Variants in RAPGEF2 observed in about 807,000 individuals in gnomAD.
RAPGEF2 encodes Rap guanine nucleotide exchange factor 2, also known as PDZ domain containing guanine nucleotide exchange factor (GEF) 1.
Under a neutral mutation model 186.7 loss-of-function variants are expected in RAPGEF2, and 54 were observed. That is an observed-to-expected ratio of 0.29 (90% CI 0.23 to 0.36). The LOEUF (loss-of-function observed/expected upper bound fraction) is 0.36, where lower values mean the gene tolerates loss of function less well. Ranked by LOEUF, RAPGEF2 falls within the 10% of genes least tolerant of loss-of-function variation. The probability of loss-of-function intolerance (pLI) is 1.00; values close to 1 mark genes in which losing one functional copy is unlikely to be tolerated. For missense variants in RAPGEF2, 1,532 were observed against 2,045.0 expected, an observed-to-expected ratio of 0.75 and a Z score of 4.84; for synonymous variants, 712 against 705.9, an observed-to-expected ratio of 1.01 and a Z score of -0.14.
At position 159,352,682 on chromosome 4, in the gene RAPGEF2, C is replaced by T. The variant is rs758826480; in HGVS notation, c.3866-3C>T. 4 of 1,605,366 alleles carry T rather than the reference C, an allele frequency of 2.5e-6. No homozygotes were observed. The highest frequency in any genetic ancestry group is 3.4e-6 in the Non-Finnish European group (4 of 1,172,098). ...AATTAATACGGTTGTATTTCTCATG[C>T]AGGCTATACTTTGGCTCCCAGTGGT... is the stretch of plus-strand genomic sequence containing the variant. On this transcript the variant is annotated splice_polypyrimidine_tract_variant and splice_region_variant and intron_variant, in intron 26 of 29. Coordinates refer to ENST00000691494, the MANE Select transcript of RAPGEF2 (RefSeq NM_001394067.2).
At chr4:159,229,758 A>G (rs1000700932) in intron 4 of RAPGEF2, among the ~76,000 whole-genome samples, 1 of 152,200 alleles carries the variant, frequency 6.6e-6, no homozygotes, top group Non-Finnish European at 1.5e-5. Flanking sequence ...TCAGCAAAAA[A>G]TTTAATGAGA....
chr4:159,344,132 T>C (rs1729940669), intron 23 of RAPGEF2, 73 bp downstream of exon 23: 2 of 1,465,940 alleles, frequency 1.4e-6, no homozygotes, highest in Non-Finnish European at 1.9e-6. Context: ...TTACCTGCTG[T>C]ATTTTCTGAT....
At position 159,195,888 on chromosome 4, in the gene RAPGEF2, T is replaced by G. The variant is rs1019053168; in HGVS notation, c.197+2632T>G. Among the ~76,000 whole-genome samples the G allele has an allele frequency of 1.8e-3, 266 of 146,074 alleles. 1 individual carries two copies. The highest frequency in any genetic ancestry group is 2.9e-3 in the Non-Finnish European group (192 of 66,166). On this transcript the variant is annotated intron_variant, in intron 3 of 29. Coordinates refer to ENST00000691494, the MANE Select transcript of RAPGEF2 (RefSeq NM_001394067.2). ...TCAAACATACCTGTTTTTTTTTTTT[T>G]TTTTTTTTTTTTTTTTCCCCAAGTA...
chr4:159,150,255 G>T (rs1239685509), intron 1 of RAPGEF2, among the ~76,000 whole-genome samples: 4 of 152,014 alleles, frequency 2.6e-5, no homozygotes, highest in African/African-American at 9.7e-5. Context: ...TAGGAAATAC[G>T]GGGTTAAGTT....
intron 1 of RAPGEF2, among the ~76,000 whole-genome samples, chr4:159,125,627 G>A (rs941340106): frequency 3.3e-5 from 5 of 152,026 alleles, no homozygotes; most frequent in Middle Eastern, 3.4e-3. Flanking sequence ...GCATGGTGGC[G>A]AGCACCTGTA....
Position 159,343,186 on chromosome 4 carries a change from C to T in RAPGEF2, c.3126C>T (p.His1042=), listed in dbSNP as rs370215107. The change falls in exon 21 of 30, where the codon CAC becomes CAT. Residue 1042 remains histidine (H), a synonymous_variant. Transcript: ENST00000691494. ...TCAAAAAGGATCTCACCTTCCTTCA[C>T]GAAGGTAAACATAAGGCAGAGGGTT... ...PVIKKDLTFL[H]EGNDSKVDGL... is the part of the protein sequence containing the mutation. 149 of 1,613,734 alleles carry T rather than the reference C, an allele frequency of 9.2e-5. No individual in the cohort carries two copies. Among genetic ancestry groups the T allele is most frequent in the Non-Finnish European group, 1.1e-4 (133 of 1,179,760 alleles).
At chr4:159,170,976 C>T (rs1305223102) in intron 1 of RAPGEF2, among the ~76,000 whole-genome samples, 2 of 152,082 alleles carry the variant, frequency 1.3e-5, no homozygotes, top group Non-Finnish European at 2.9e-5. Flanking sequence ...CCATTGTGTG[C>T]TCTTGGTACC....
rs1372230487 is a variant in RAPGEF2 at position 159,189,423 on chromosome 4, A to G, written c.140+2711A>G. Among the ~76,000 whole-genome samples, 3 of 152,192 alleles carry G rather than the reference A, an allele frequency of 2.0e-5. No homozygotes were observed. In the East Asian group the frequency reaches 5.8e-4, roughly 29 times the overall value. On this transcript the variant is annotated intron_variant, in intron 2 of 29. Transcript: ENST00000691494. The stretch of plus-strand genomic sequence containing the variant: ...ATTTTAACTATTTTTCTAATGTTTT[A>G]TCCGTTTAGTTTATATAGGCAAGAA...
At chr4:159,210,768 C>T (rs1750442097) in intron 4 of RAPGEF2, among the ~76,000 whole-genome samples, 185 bp downstream of exon 4, 2 of 152,172 alleles carry the variant, frequency 1.3e-5, no homozygotes, top group African/African-American at 4.8e-5. Context: ...TTTCCAATCT[C>T]TTTAACAAAG....
intron 3 of RAPGEF2, among the ~76,000 whole-genome samples, chr4:159,199,802 G>A (rs993858937): frequency 6.6e-6 from 1 of 152,158 alleles, no homozygotes; most frequent in Non-Finnish European, 1.5e-5. Flanking sequence ...CTGTCTCTGG[G>A]TGTGTATAAG....
At chr4:159,307,692 C>G (rs1207514462) in intron 8 of RAPGEF2, among the ~76,000 whole-genome samples, 1 of 152,166 alleles carries the variant, frequency 6.6e-6, no homozygotes, top group African/African-American at 2.4e-5. Context: ...ACTTGTTTGA[C>G]CAGGTGCAGT....
intron 3 of RAPGEF2, among the ~76,000 whole-genome samples, chr4:159,209,837 A>G (rs556202601): frequency 1.3e-5 from 2 of 152,338 alleles, no homozygotes; most frequent in African/African-American, 4.8e-5. Flanking sequence ...ATATAATTGT[A>G]TAATATTGAA....
intron 16 of RAPGEF2, 88 bp from the exon 17 acceptor site, chr4:159,332,363 T>C: frequency 1.5e-6 from 2 of 1,376,886 alleles, no homozygotes; most frequent in East Asian, 4.6e-5. Flanking sequence ...GTACTTCTCA[T>C]ATATTTCCAA....
At chr4:159,131,423 A>T (rs904269468) in intron 1 of RAPGEF2, among the ~76,000 whole-genome samples, 10 of 152,000 alleles carry the variant, frequency 6.6e-5, no homozygotes, top group Admixed American at 6.6e-5. Flanking sequence ...CATGGTTTTA[A>T]TAACGTTTAA....
intron 26 of RAPGEF2, among the ~76,000 whole-genome samples, chr4:159,351,973 G>T (rs1394435663): frequency 1.3e-5 from 2 of 151,782 alleles, no homozygotes; most frequent in Non-Finnish European, 2.9e-5. Flanking sequence ...ATCAAGATAG[G>T]CCCCTGCCAT....
intron 26 of RAPGEF2, among the ~76,000 whole-genome samples, chr4:159,351,392 A>C (rs1028730615): frequency 1.3e-5 from 2 of 152,214 alleles, no homozygotes; most frequent in African/African-American, 4.8e-5. Context: ...ACATTTTATA[A>C]ATGAACACAT....
chr4:159,175,794 A>G (rs572264235), intron 1 of RAPGEF2, among the ~76,000 whole-genome samples: 5 of 152,250 alleles, frequency 3.3e-5, no homozygotes, highest in Admixed American at 6.5e-5. Flanking sequence ...TTGAAAACAC[A>G]TTTCCTGCAT....
chr4:159,199,308 A>G (rs13132154), intron 3 of RAPGEF2, among the ~76,000 whole-genome samples: 39,607 of 152,052 alleles, frequency 0.26, 6,040 homozygotes, highest in Non-Finnish European at 0.35. Flanking sequence ...CTATTTTAAA[A>G]TGAAAATGTT....
intron 1 of RAPGEF2, among the ~76,000 whole-genome samples, chr4:159,157,993 C>A (rs1445133982): frequency 6.6e-6 from 1 of 151,934 alleles, no homozygotes; most frequent in Admixed American, 6.6e-5. Context: ...TATGGTGGGG[C>A]TAGCAGATGG....
Sources: gnomAD v4.1 joint callset for allele counts (sites outside exome capture counted in the v4.1 genomes callset) on GRCh38, gnomAD v4.1.1 for gene constraint, MANE v1.5 for transcripts, NCBI Gene and HGNC (gene_info 2026-07-23, HGNC 2026-07-21) for gene names.